MYO1D: variants seen among roughly 807,000 people sequenced by gnomAD.
MYO1D encodes the protein myosin ID.
In MYO1D, 83 loss-of-function variants were observed where a neutral mutation model predicts 122.0. The ratio of observed to expected loss-of-function variants is 0.68; its 90% CI spans 0.57 to 0.82. The LOEUF is 0.82. MYO1D is among the 40% of genes least tolerant of loss of function. The probability of loss-of-function intolerance (pLI) is 0.00; values close to 1 mark genes in which losing one functional copy is unlikely to be tolerated. For missense variants in MYO1D, 1,157 were observed against 1,269.5 expected (o/e 0.91, Z 1.35); for synonymous variants, 464 against 446.9 (o/e 1.04, Z -0.48).
intron 1 of MYO1D, among the ~76,000 whole-genome samples, chr17:32,798,556 C>G (rs1331798743): frequency 1.3e-5 from 2 of 152,172 alleles, no homozygotes; most frequent in Admixed American, 6.5e-5. Flanking sequence ...CGGTGCTAAT[C>G]TGGTAATACT....
chr17:32,610,507 A>G (rs2087686947), intron 20 of MYO1D, among the ~76,000 whole-genome samples: 1 of 152,176 alleles, frequency 6.6e-6, no homozygotes, highest in South Asian at 2.1e-4. Flanking sequence ...TGTACTAAGG[A>G]TGACCTGGGT....
chr17:32,508,144 C>T (rs1364052786), intron 21 of MYO1D, among the ~76,000 whole-genome samples: 2 of 151,660 alleles, frequency 1.3e-5, no homozygotes, highest in Non-Finnish European at 2.9e-5. Context: ...ATCTGCCCGC[C>T]TTGGCCTCCC....
At chr17:32,825,925 T>C (rs2090717963) in intron 1 of MYO1D, among the ~76,000 whole-genome samples, 1 of 151,782 alleles carries the variant, frequency 6.6e-6, no homozygotes, top group South Asian at 2.1e-4. Flanking sequence ...TGGCACACGC[T>C]TGTAGTCCCA....
At chr17:32,869,447 G>T (rs940832271) in intron 1 of MYO1D, among the ~76,000 whole-genome samples, 4 of 152,190 alleles carry the variant, frequency 2.6e-5, no homozygotes, top group African/African-American at 9.7e-5. Flanking sequence ...TCTACCCAGC[G>T]GAGCTGGAGC....
intron 21 of MYO1D, among the ~76,000 whole-genome samples, chr17:32,598,340 C>T (rs1352071249): frequency 1.3e-5 from 2 of 152,182 alleles, no homozygotes; most frequent in African/African-American, 4.8e-5. Flanking sequence ...CACCACTGCA[C>T]TCCAGCCTGG....
intron 20 of MYO1D, among the ~76,000 whole-genome samples, chr17:32,621,152 A>G (rs879597268): frequency 6.6e-6 from 1 of 152,092 alleles, no homozygotes; most frequent in Admixed American, 6.5e-5. Context: ...AACCTGTCAC[A>G]TGCGGTCAGA....
intron 21 of MYO1D, among the ~76,000 whole-genome samples, chr17:32,557,861 T>A (rs551874433): frequency 6.6e-6 from 1 of 152,170 alleles, no homozygotes; most frequent in Admixed American, 6.5e-5. Context: ...TAACATTTTA[T>A]GGGAACACAG....
rs1001407161 is a variant in MYO1D, at chr17:32,654,605, G to T, written c.2362C>A (p.Leu788Ile). The change falls in exon 18 of 22, where the codon CTC (leucine) becomes ATC (isoleucine). Residue 788 changes from leucine to isoleucine, a missense_variant. Transcript: ENST00000318217. ...TIFNRWRASQ[L>I]IKSIPASDLP... is the part of the protein sequence containing the mutation. ...TCTGAGGCCGGAATGCTCTTGATGAGCTGGGATGCTCTCCATCTACAAGTA... is the reference window on the plus strand; with the variant it reads ...TCTGAGGCCGGAATGCTCTTGATGATCTGGGATGCTCTCCATCTACAAGTA... The T allele has an allele frequency of 6.2e-7, 1 of 1,610,386 alleles. No individual in the cohort carries two copies. The highest frequency in any genetic ancestry group is 1.7e-5 in the Admixed American group (1 of 59,064).
chr17:32,823,796 G>A (rs374928264), intron 1 of MYO1D, among the ~76,000 whole-genome samples: 18 of 152,202 alleles, frequency 1.2e-4, no homozygotes, highest in African/African-American at 4.3e-4. Context: ...GGCTGGGTAC[G>A]GTGGCTCATG....
intron 20 of MYO1D, among the ~76,000 whole-genome samples, chr17:32,629,789 G>C (rs1303132443): frequency 6.6e-6 from 1 of 151,970 alleles, no homozygotes; most frequent in East Asian, 1.9e-4. Flanking sequence ...AAAAGGTGCT[G>C]ACCTAGGTAA....
At chr17:32,647,532 C>T (rs2088312318) in intron 19 of MYO1D, among the ~76,000 whole-genome samples, 1 of 152,130 alleles carries the variant, frequency 6.6e-6, no homozygotes, top group African/African-American at 2.4e-5. Context: ...TGACCTAATT[C>T]TTAAAACCAT....
Position 32,748,020 on chromosome 17 carries a change from ATCTTGAT to A in MYO1D, c.1538+909_1538+915del, listed in dbSNP as rs201483237. Among the ~76,000 whole-genome samples, 526 of 152,228 alleles carry A rather than the reference ATCTTGAT, an allele frequency of 3.5e-3. 3 individuals are homozygous for A. Among genetic ancestry groups the A allele is most frequent in the African/African-American group, 0.012 (491 of 41,536 alleles). On this transcript the variant is annotated intron_variant, in intron 12 of 21. Coordinates refer to ENST00000318217, the MANE Select transcript of MYO1D (RefSeq NM_015194.3). ...CCAGAGAGAGTGTGGCCCTGCTGAC[ATCTTGAT>A]TTTGAACTTTTGAACTCCAGAACTG...
intron 16 of MYO1D, among the ~76,000 whole-genome samples, chr17:32,709,771 T>G (rs961625532): frequency 2.6e-5 from 4 of 152,126 alleles, no homozygotes; most frequent in Non-Finnish European, 4.4e-5. Context: ...TCAACAAATA[T>G]AAATCAAGAA....
intron 19 of MYO1D, among the ~76,000 whole-genome samples, chr17:32,640,180 T>C (rs941986317): frequency 5.9e-5 from 9 of 152,142 alleles, no homozygotes; most frequent in African/African-American, 1.4e-4. Flanking sequence ...GAGAGTAAAA[T>C]AGAATCTATA....
chr17:32,497,712 G>A (rs1005384476), intron 21 of MYO1D: 4 of 152,264 alleles, frequency 2.6e-5, no homozygotes, highest in East Asian at 1.9e-4. Context: ...GATCATGCAC[G>A]AGTCAACAGT....
At chr17:32,870,406 C>T (rs2091168089) in intron 1 of MYO1D, among the ~76,000 whole-genome samples, 1 of 151,520 alleles carries the variant, frequency 6.6e-6, no homozygotes, top group Non-Finnish European at 1.5e-5. Flanking sequence ...GGTTTTTTTC[C>T]CTGGCAAGCA....
rs746028940 is a variant in MYO1D, at chr17:32,765,054, C to A, written c.859G>T (p.Asp287Tyr). ...TTGCCATTCTCAATAAGAGGCGTGT[C>A]ACCATCTACTACAAATTTTAAATTT... ...LGNLKFVVDGDTPLIENGKVV... is the reference protein window; with the variant it reads ...LGNLKFVVDGYTPLIENGKVV... Residue 287 changes from aspartate (D) to tyrosine (Y), a missense_variant, in exon 8 of 22, where the codon GAC becomes TAC. Transcript: ENST00000318217. 6.2e-7 allele frequency: 1 copy of A among 1,613,396 alleles called. No homozygotes were observed. Among genetic ancestry groups the A allele is most frequent in the Admixed American group, 1.7e-5 (1 of 60,026 alleles).
chr17:32,615,238 T>C (rs2087756292), intron 20 of MYO1D, among the ~76,000 whole-genome samples: 2 of 152,088 alleles, frequency 1.3e-5, no homozygotes, highest in Admixed American at 1.3e-4. Flanking sequence ...TGAGAGACTG[T>C]TGGGGGAATC....
chr17:32,676,164 T>A lies in MYO1D; in HGVS notation c.2122-16826A>T, dbSNP rs564651514. ...TCTCAAAACAGAATTGCTGTTGTAA[T>A]CCCTTTGTATTTTCGGCTGCCACAC... is the stretch of plus-strand genomic sequence containing the variant. On this transcript the variant is annotated intron_variant, in intron 16 of 21. Transcript: ENST00000318217. Among the ~76,000 whole-genome samples the A allele has an allele frequency of 1.1e-3, 172 of 152,340 alleles. 1 individual carries two copies. The highest frequency in any genetic ancestry group is 3.9e-3 in the African/African-American group (164 of 41,584).
Sources: gnomAD v4.1 joint callset for allele counts (sites outside exome capture counted in the v4.1 genomes callset) on GRCh38, gnomAD v4.1.1 for gene constraint, MANE v1.5 for transcripts, NCBI Gene and HGNC (gene_info 2026-07-23, HGNC 2026-07-21) for gene names.